The following OSBPL10 variants were observed in gnomAD, a reference collection of about 807,000 sequenced individuals.
OSBPL10 encodes the protein oxysterol binding protein like 10, also known as oxysterol-binding protein-related protein 10.
OSBPL10 carries 49 observed loss-of-function variants against 81.7 expected under a neutral mutation model. The observed-to-expected ratio is 0.60, with a 90% CI of 0.48 to 0.76. OSBPL10 has a LOEUF of 0.76. Among genes scored for constraint, OSBPL10 ranks in the 30% least tolerant of loss-of-function variants. OSBPL10 has a pLI of 0.00. For missense variants in OSBPL10, 923 were observed against 987.8 expected (o/e 0.93, Z 0.88); for synonymous variants, 419 against 383.6 (o/e 1.09, Z -1.08).
chr3:31,914,240 A>G (rs1299434787), intron 1 of OSBPL10, among the ~76,000 whole-genome samples: 1 of 152,076 alleles, frequency 6.6e-6, no homozygotes, highest in Non-Finnish European at 1.5e-5. Context: ...CATTTTTAAG[A>G]CGGTCCTAAC....
In OSBPL10 at chr3:31,713,235, C is replaced by T. The variant is rs570369473; in HGVS notation, c.1096-10727G>A. Among the ~76,000 whole-genome samples, 24 of 152,266 alleles carry T rather than the reference C, an allele frequency of 1.6e-4. No individual in the cohort carries two copies. In the South Asian group the frequency reaches 2.5e-3, roughly 16 times the overall value. ...GACTTCTCTACTCTTCTCTTGATCA[C>T]GCTCCCCTCCTTGTTCATTCTGCTC... is the stretch of plus-strand genomic sequence containing the variant. On this transcript the variant is annotated intron_variant, in intron 6 of 11. Transcript: ENST00000396556.
At chr3:31,831,039 A>G (rs1393576137) in intron 3 of OSBPL10, among the ~76,000 whole-genome samples, 2 of 152,228 alleles carry the variant, frequency 1.3e-5, no homozygotes, top group Non-Finnish European at 2.9e-5. Flanking sequence ...TGGATCAAAG[A>G]TTTAAGAAAA....
At chr3:31,934,244 G>A (rs1697325530) in intron 1 of OSBPL10, among the ~76,000 whole-genome samples, 2 of 151,964 alleles carry the variant, frequency 1.3e-5, no homozygotes, top group South Asian at 4.1e-4. Context: ...CTGAGCGGGG[G>A]AGGATGGCTT....
At position 31,899,628 on chromosome 3, in the gene OSBPL10, G is replaced by C. The variant is rs556653487; in HGVS notation, c.282-19798C>G. ...GAGAACCACTGGAACCCAGGAGCTT[G>C]AGACCAGCCTGGGCAAATAGGAGAG... On this transcript the variant is annotated intron_variant, in intron 1 of 11. Coordinates refer to ENST00000396556, the MANE Select transcript of OSBPL10 (RefSeq NM_017784.5). 2.3e-4 allele frequency among the ~76,000 whole-genome samples: 35 copies of C among 152,294 alleles called. No homozygotes were observed. In the South Asian group the frequency reaches 7.0e-3, roughly 31 times the overall value.
intron 6 of OSBPL10, among the ~76,000 whole-genome samples, chr3:31,710,101 A>G (rs1278502342): frequency 2.6e-5 from 4 of 152,186 alleles, no homozygotes; most frequent in African/African-American, 4.8e-5. Flanking sequence ...GCACAAAAGG[A>G]AAGCTTGGAG....
chr3:31,679,559 A>G (rs1422644094), intron 8 of OSBPL10, among the ~76,000 whole-genome samples: 1 of 152,204 alleles, frequency 6.6e-6, no homozygotes, highest in Non-Finnish European at 1.5e-5. Flanking sequence ...ACTGTAGAAA[A>G]TGTGTAAGGA....
chr3:31,742,334 C>T (rs1575514200), intron 5 of OSBPL10, among the ~76,000 whole-genome samples: 1 of 152,346 alleles, frequency 6.6e-6, no homozygotes, highest in South Asian at 2.1e-4. Context: ...TTGGCCAAAC[C>T]CCAAAATGGG....
chr3:31,979,041 T>G (rs62244393), intron 1 of OSBPL10, among the ~76,000 whole-genome samples: 12,554 of 152,132 alleles, frequency 0.083, 1,036 homozygotes, highest in East Asian at 0.47. Flanking sequence ...GGCCTCATAA[T>G]CTACTTGAAG....
intron 4 of OSBPL10, among the ~76,000 whole-genome samples, chr3:31,765,840 A>G (rs1270160825): frequency 6.6e-6 from 1 of 152,150 alleles, no homozygotes; most frequent in Non-Finnish European, 1.5e-5. Flanking sequence ...TTAGTTGATC[A>G]TGGTCACAGA....
intron 3 of OSBPL10, among the ~76,000 whole-genome samples, chr3:31,843,366 T>A (rs1218698833): frequency 1.3e-5 from 2 of 152,322 alleles, no homozygotes; most frequent in East Asian, 3.9e-4. Flanking sequence ...GGGTAGCCAG[T>A]GGGATTTGGC....
intron 1 of OSBPL10, among the ~76,000 whole-genome samples, chr3:32,047,956 C>T (rs1213034222): frequency 6.6e-5 from 10 of 152,082 alleles, no homozygotes; most frequent in Admixed American, 2.6e-4. Flanking sequence ...TAAGCCACCA[C>T]GCCCGGCCTA....
intron 2 of OSBPL10, chr3:32,030,453 C>T: frequency 1.5e-6 from 1 of 684,770 alleles, no homozygotes; most frequent in South Asian, 1.4e-5. Flanking sequence ...AGATTCTTGC[C>T]AAGAGAATTA....
intron 4 of OSBPL10, among the ~76,000 whole-genome samples, chr3:31,828,112 C>T (rs56790054): frequency 0.059 from 9,050 of 152,138 alleles, 680 homozygotes; most frequent in East Asian, 0.43. Context: ...CTTTCAACTG[C>T]CTTTGTTCAA....
chr3:32,057,513 A>G (rs1699721424), intron 1 of OSBPL10, among the ~76,000 whole-genome samples: 1 of 152,216 alleles, frequency 6.6e-6, no homozygotes, highest in African/African-American at 2.4e-5. Context: ...ACTTATAATC[A>G]TGGCAGAAGG....
At chr3:31,772,786 T>C (rs943585926) in intron 4 of OSBPL10, among the ~76,000 whole-genome samples, 1 of 152,218 alleles carries the variant, frequency 6.6e-6, no homozygotes, top group African/African-American at 2.4e-5. Flanking sequence ...AATGAAGTTA[T>C]AAATACATGT....
rs190756186 is a variant in OSBPL10, at chr3:31,862,263, A to G, written c.537+14170T>C. Among the ~76,000 whole-genome samples, 124 of 152,262 alleles carry G rather than the reference A, an allele frequency of 8.1e-4. No homozygotes were observed. The Middle Eastern group carries it at 0.01, about 13-fold the overall frequency. On this transcript the variant is annotated intron_variant, in intron 3 of 11. Transcript: ENST00000396556. ...GGAAAGCTTCAAAGAATCTGTGGCT[A>G]TCTTTAATGTGCCCCAGCCTGAGAC...
intron 1 of OSBPL10, among the ~76,000 whole-genome samples, chr3:31,975,601 G>C (rs1698675263): frequency 6.6e-6 from 1 of 152,138 alleles, no homozygotes; most frequent in South Asian, 2.1e-4. Context: ...CCTAAATCAG[G>C]GTGGGCACGT....
chr3:31,875,922 G>A (rs1701459098), intron 3 of OSBPL10, among the ~76,000 whole-genome samples: 1 of 152,002 alleles, frequency 6.6e-6, no homozygotes, highest in South Asian at 2.1e-4. Context: ...CCTACCTCCT[G>A]CACACCTAAC....
At chr3:31,769,261 G>T (rs1309376557) in intron 4 of OSBPL10, among the ~76,000 whole-genome samples, 2 of 151,608 alleles carry the variant, frequency 1.3e-5, no homozygotes, top group Non-Finnish European at 2.9e-5. Context: ...TGACCAACAT[G>T]GAGAAACCCC....
Sources: gnomAD v4.1 joint callset for allele counts (sites outside exome capture counted in the v4.1 genomes callset) on GRCh38, gnomAD v4.1.1 for gene constraint, MANE v1.5 for transcripts, NCBI Gene and HGNC (gene_info 2026-07-23, HGNC 2026-07-21) for gene names.